The following KCNMB2 variants were observed in gnomAD, a reference collection of about 807,000 sequenced individuals.
KCNMB2 encodes calcium-activated potassium channel subunit beta-2.
KCNMB2 carries 9 observed loss-of-function variants against 24.5 expected under a neutral mutation model. The observed-to-expected ratio is 0.37, with a 90% CI of 0.22 to 0.64. KCNMB2 has a LOEUF of 0.64. Among genes scored for constraint, KCNMB2 ranks in the 30% least tolerant of loss-of-function variants. The pLI is 0.63. For missense variants in KCNMB2, 226 were observed against 284.3 expected, an observed-to-expected ratio of 0.79 and a Z score of 1.47; for synonymous variants, 109 against 104.4, an observed-to-expected ratio of 1.04 and a Z score of -0.27.
At chr3:178,581,264 G>A (rs1367662799) in intron 1 of KCNMB2, among the ~76,000 whole-genome samples, 2 of 152,082 alleles carry the variant, frequency 1.3e-5, no homozygotes, top group East Asian at 3.9e-4. Flanking sequence ...CAAGCTATGG[G>A]GAAAAGATTC....
chr3:178,612,944 A>G (rs1718546988), intron 1 of KCNMB2, among the ~76,000 whole-genome samples: 1 of 152,166 alleles, frequency 6.6e-6, no homozygotes, highest in African/African-American at 2.4e-5. Flanking sequence ...TGAGGCTTGC[A>G]AATATTATAT....
At chr3:178,724,301 T>TC (rs1239618107) in intron 1 of KCNMB2, among the ~76,000 whole-genome samples, 3 of 152,156 alleles carry the variant, frequency 2.0e-5, no homozygotes, top group African/African-American at 7.2e-5. Context: ...CACTGGTATG[T>TC]CTTCTTTTGA....
chr3:178,644,785 A>C (rs750919390), intron 1 of KCNMB2, among the ~76,000 whole-genome samples: 2 of 152,202 alleles, frequency 1.3e-5, no homozygotes, highest in Non-Finnish European at 2.9e-5. Flanking sequence ...ACACAATCTC[A>C]GTATGAACCA....
At chr3:178,704,147 C>A (rs985517074) in intron 1 of KCNMB2, among the ~76,000 whole-genome samples, 3 of 152,028 alleles carry the variant, frequency 2.0e-5, no homozygotes, top group Admixed American at 6.6e-5. Context: ...GGGAAAACAA[C>A]CAGGTTTCAA....
At chr3:178,621,712 A>C (rs9883644) in intron 1 of KCNMB2, among the ~76,000 whole-genome samples, 1 of 151,954 alleles carries the variant, frequency 6.6e-6, no homozygotes, top group African/African-American at 2.4e-5. Context: ...CTTTACAAGG[A>C]TTATCTCCTT....
chr3:178,647,046 T>C (rs1003966295), intron 1 of KCNMB2, among the ~76,000 whole-genome samples: 34 of 152,218 alleles, frequency 2.2e-4, no homozygotes, highest in African/African-American at 8.2e-4. Flanking sequence ...AGTATGTTTA[T>C]ATGTTGATTC....
At chr3:178,652,535 TA>T (rs1415686530) in intron 1 of KCNMB2, among the ~76,000 whole-genome samples, 1 of 152,174 alleles carries the variant, frequency 6.6e-6, no homozygotes, top group African/African-American at 2.4e-5. Flanking sequence ...TATGATACTG[TA>T]ATATGTTTTA....
chr3:178,774,319 AAAAGAAAG>A (rs202058197), intron 1 of KCNMB2, among the ~76,000 whole-genome samples: 1 of 152,182 alleles, frequency 6.6e-6, no homozygotes, highest in East Asian at 1.9e-4. Context: ...ACAAGGTGAA[AAAAGAAAG>A]AAAGAAAGAA....
At chr3:178,702,995 G>A (rs1264125713) in intron 1 of KCNMB2, among the ~76,000 whole-genome samples, 1 of 152,154 alleles carries the variant, frequency 6.6e-6, no homozygotes, top group South Asian at 2.1e-4. Context: ...GACAAGAGGA[G>A]AAGGATGAAG....
At chr3:178,787,501 C>A (rs747993809) in intron 1 of KCNMB2, among the ~76,000 whole-genome samples, 1 of 152,186 alleles carries the variant, frequency 6.6e-6, no homozygotes, top group East Asian at 1.9e-4. Context: ...GCTAATTTTA[C>A]GGAAGAAAAG....
chr3:178,585,673 G>A (rs1345329591), intron 1 of KCNMB2, among the ~76,000 whole-genome samples: 1 of 152,134 alleles, frequency 6.6e-6, no homozygotes, highest in Non-Finnish European at 1.5e-5. Flanking sequence ...ATGTACGGTG[G>A]GCTGACTTGG....
intron 1 of KCNMB2, among the ~76,000 whole-genome samples, chr3:178,641,444 A>G (rs1299608668): frequency 1.3e-5 from 2 of 152,120 alleles, no homozygotes; most frequent in Non-Finnish European, 2.9e-5. Context: ...TTTATGTGAT[A>G]CTATTTTTTT....
intron 1 of KCNMB2, among the ~76,000 whole-genome samples, chr3:178,643,333 G>A (rs1719793828): frequency 6.6e-6 from 1 of 152,110 alleles, no homozygotes; most frequent in Non-Finnish European, 1.5e-5. Context: ...ACAATTAAGT[G>A]TCTTGATTGT....
chr3:178,737,951 G>T lies in KCNMB2; in HGVS notation c.-67-69392G>T, dbSNP rs142893116. 1.9e-3 allele frequency among the ~76,000 whole-genome samples: 289 copies of T among 152,278 alleles called. 1 individual carries two copies. Among genetic ancestry groups the T allele is most frequent in the Admixed American group, 2.4e-3 (36 of 15,302 alleles). ...TGGTATTTAGCAAATACTCAACTAGGTATCAGTAAGTGTTTATTGACTGAA... is the reference window on the plus strand; with the variant it reads ...TGGTATTTAGCAAATACTCAACTAGTTATCAGTAAGTGTTTATTGACTGAA... On this transcript the variant is annotated intron_variant, in intron 1 of 4. Coordinates refer to ENST00000452583, the MANE Select transcript of KCNMB2 (RefSeq NM_181361.3).
chr3:178,758,032 ATATATATAT>A (rs1724230083), intron 1 of KCNMB2, among the ~76,000 whole-genome samples: 1 of 1,728 alleles, frequency 5.8e-4, no homozygotes, highest in African/African-American at 1.2e-3. Context: ...TAGAGGATAT[ATATATATAT>A]CTAGATATAT....
intron 1 of KCNMB2, chr3:178,757,107 T>C (rs980061611): frequency 1.3e-5 from 2 of 151,202 alleles, no homozygotes; most frequent in African/African-American, 4.9e-5. Context: ...CCCATCTTTG[T>C]TTCTTCTTTC....
At chr3:178,678,312 G>A (rs1721142067) in intron 1 of KCNMB2, among the ~76,000 whole-genome samples, 1 of 152,156 alleles carries the variant, frequency 6.6e-6, no homozygotes, top group Non-Finnish European at 1.5e-5. Context: ...ATTAACCCTT[G>A]CCTGACATGG....
At chr3:178,547,891 T>A (rs1462275612) in intron 1 of KCNMB2, among the ~76,000 whole-genome samples, 1 of 152,244 alleles carries the variant, frequency 6.6e-6, no homozygotes, top group Non-Finnish European at 1.5e-5. Flanking sequence ...TAAACTCTTA[T>A]CAGACCTAAT....
chr3:178,823,840 G>A (rs1714727720), intron 2 of KCNMB2, among the ~76,000 whole-genome samples: 1 of 152,144 alleles, frequency 6.6e-6, no homozygotes, highest in African/African-American at 2.4e-5. Context: ...CAAGCAACAA[G>A]AGCGATTAGC....
Sources: allele counts gnomAD v4.1 joint callset (sites outside exome capture counted in the v4.1 genomes callset), GRCh38; gene constraint gnomAD v4.1.1; transcripts MANE v1.5; gene names NCBI Gene and HGNC (gene_info 2026-07-23, HGNC 2026-07-21).